The following KAZN variants were observed in gnomAD, a reference collection of about 807,000 sequenced individuals.
The protein encoded by KAZN is kazrin.
A neutral mutation model predicts 87.4 loss-of-function variants in KAZN; 40 were observed. That is an observed-to-expected ratio of 0.46 (90% confidence interval 0.36 to 0.60). The LOEUF (loss-of-function observed/expected upper bound fraction) is 0.60. Ranked by LOEUF, KAZN falls within the 20% of genes least tolerant of loss-of-function variation. KAZN has a pLI of 0.00. For synonymous variants in KAZN, 466 were observed against 458.3 expected (o/e 1.02, Z -0.22); for missense variants, 898 against 1,073.9 (o/e 0.84, Z 2.29).
intron 1 of KAZN, among the ~76,000 whole-genome samples, chr1:14,920,575 C>T (rs1031462127): frequency 1.1e-4 from 16 of 152,150 alleles, no homozygotes; most frequent in Non-Finnish European, 4.4e-5. Flanking sequence ...TGTATCCAGC[C>T]TCAATTCCCA....
At chr1:14,708,733 G>C (rs558123855) in intron 1 of KAZN, among the ~76,000 whole-genome samples, 1 of 152,304 alleles carries the variant, frequency 6.6e-6, no homozygotes, top group South Asian at 2.1e-4. Context: ...TCACCCTTTG[G>C]CATCTCTTTT....
chr1:13,990,715 A>G (rs1177758875), intron 1 of KAZN, among the ~76,000 whole-genome samples: 3 of 152,226 alleles, frequency 2.0e-5, no homozygotes, highest in African/African-American at 7.2e-5. Flanking sequence ...GAACTTAATC[A>G]TAAGTACACT....
chr1:14,666,145 C>A (rs1321069308), intron 1 of KAZN, among the ~76,000 whole-genome samples: 1 of 152,034 alleles, frequency 6.6e-6, no homozygotes, highest in Non-Finnish European at 1.5e-5. Flanking sequence ...CCTACCCCAA[C>A]TTCTGGCCCC....
rs140456851 is a variant in KAZN at position 14,602,467 on chromosome 1, G to A, written c.226+3244G>A. On this transcript the variant is annotated intron_variant, in intron 1 of 14. Transcript: ENST00000376030. ...GGGGTCACGGCAGCCTTTGACAGGT[G>A]GACAGAAGGAGGCTTGGAAAGAACA... Among the ~76,000 whole-genome samples, 4 of 152,292 alleles carry A rather than the reference G, an allele frequency of 2.6e-5. No homozygotes were observed. In the East Asian group the frequency reaches 7.7e-4, roughly 29 times the overall value.
intron 1 of KAZN, among the ~76,000 whole-genome samples, chr1:14,151,201 A>T (rs993647761): frequency 6.6e-6 from 1 of 152,038 alleles, no homozygotes; most frequent in South Asian, 2.1e-4. Context: ...AGATTGTAGA[A>T]AAAAAAGACA....
rs532213549 is a variant in KAZN at position 14,882,383 on chromosome 1, A to C, written c.227-78301A>C. On this transcript the variant is annotated intron_variant, in intron 1 of 14. Coordinates refer to ENST00000376030, the MANE Select transcript of KAZN (RefSeq NM_201628.3). ...AAGCTTCAGCCCTAAAGACTCTTCCATGTGTTAGCTTCTCACCTGGGGCAA... is the reference window on the plus strand; with the variant it reads ...AAGCTTCAGCCCTAAAGACTCTTCCCTGTGTTAGCTTCTCACCTGGGGCAA... Among the ~76,000 whole-genome samples the C allele has an allele frequency of 4.6e-5, 7 of 152,300 alleles. No individual in the cohort carries two copies. The South Asian group carries it at 1.5e-3, about 32-fold the overall frequency.
intron 8 of KAZN, among the ~76,000 whole-genome samples, chr1:15,093,526 C>T (rs961271953): frequency 6.6e-6 from 1 of 152,054 alleles, no homozygotes; most frequent in African/African-American, 2.4e-5. Flanking sequence ...AATAATCATT[C>T]GTGCCTTTGT....
chr1:14,370,619 G>A (rs1660401121), intron 2 of KAZN, among the ~76,000 whole-genome samples: 1 of 151,278 alleles, frequency 6.6e-6, no homozygotes, highest in Admixed American at 6.7e-5. Flanking sequence ...CCTACCTATT[G>A]GGCTGAAAAA....
At chr1:14,006,047 G>A (rs1027724993) in intron 1 of KAZN, among the ~76,000 whole-genome samples, 2 of 152,086 alleles carry the variant, frequency 1.3e-5, no homozygotes, top group Non-Finnish European at 2.9e-5. Flanking sequence ...ATATATTTTG[G>A]ATATTAATCT....
intron 1 of KAZN, among the ~76,000 whole-genome samples, chr1:14,914,670 G>T (rs1036417266): frequency 6.6e-6 from 1 of 152,116 alleles, no homozygotes; most frequent in Non-Finnish European, 1.5e-5. Flanking sequence ...GGGTGGCAGG[G>T]GCTCCATCCC....
At chr1:14,257,959 T>TAAAAAAAAAAAAAAAAAAAAA (rs1168366132) in intron 2 of KAZN, among the ~76,000 whole-genome samples, 1 of 28,744 alleles carries the variant, frequency 3.5e-5, no homozygotes, top group Non-Finnish European at 8.5e-5. Flanking sequence ...AAAAAAACAT[T>TAAAAAAAAAAAAAAAAAAAAA]AAAAAAAAAA....
At chr1:14,909,917 G>C (rs1468261333) in intron 1 of KAZN, among the ~76,000 whole-genome samples, 1 of 152,160 alleles carries the variant, frequency 6.6e-6, no homozygotes, top group Non-Finnish European at 1.5e-5. Context: ...GCCAGGCACG[G>C]TGGCGTGTGC....
At chr1:13,947,155 T>A (rs1219615979) in intron 1 of KAZN, among the ~76,000 whole-genome samples, 1 of 152,118 alleles carries the variant, frequency 6.6e-6, no homozygotes, top group African/African-American at 2.4e-5. Flanking sequence ...TGACACACAG[T>A]TCCTCAGGGC....
intron 1 of KAZN, among the ~76,000 whole-genome samples, chr1:14,930,482 A>T (rs1192290811): frequency 1.3e-5 from 2 of 152,170 alleles, no homozygotes; most frequent in Admixed American, 1.3e-4. Flanking sequence ...GCTGGGAAGA[A>T]TGTGGATTTT....
At chr1:14,244,122 CAA>C (rs1649270158) in intron 2 of KAZN, among the ~76,000 whole-genome samples, 1 of 150,580 alleles carries the variant, frequency 6.6e-6, no homozygotes, top group Non-Finnish European at 1.5e-5. Context: ...AACAAACAAA[CAA>C]ACAAAAAACT....
At position 14,598,797 on chromosome 1, in the gene KAZN, ACCG is replaced by A; in HGVS notation, c.-196_-194del. The A allele has an allele frequency of 8.0e-7, 1 of 1,243,638 alleles. No individual in the cohort carries two copies. Among genetic ancestry groups the A allele is most frequent in the Non-Finnish European group, 1.0e-6 (1 of 988,388 alleles). 77.0% of individuals were successfully genotyped at this position (1,243,638 alleles called of 1,614,324 possible). A position where few individuals can be genotyped will look rare whatever the true frequency, so the allele number is the denominator to read the frequency against. On this transcript the variant is annotated 5_prime_UTR_variant, in exon 1 of 15. Transcript: ENST00000376030. The surrounding 1 kb of genome is among the most constrained non-coding windows in gnomAD (Gnocchi z 4.2). ...CGCCTCCTCCCCCCGCCGCCTCGCC[ACCG>A]CCGCGGCTAGGGCTGGAGGCGCCGC...
chr1:14,143,627 T>C (rs1645286752), intron 1 of KAZN, among the ~76,000 whole-genome samples: 1 of 152,150 alleles, frequency 6.6e-6, no homozygotes, highest in South Asian at 2.1e-4. Flanking sequence ...AACAATTGAG[T>C]CACAATTATA....
At chr1:14,313,041 C>T (rs760554638) in intron 2 of KAZN, among the ~76,000 whole-genome samples, 3 of 152,096 alleles carry the variant, frequency 2.0e-5, no homozygotes, top group Admixed American at 6.5e-5. Flanking sequence ...TTGTTTGCAG[C>T]ATTAGATAAC....
intron 4 of KAZN, among the ~76,000 whole-genome samples, chr1:15,053,055 G>A (rs2100456450): frequency 6.6e-6 from 1 of 152,352 alleles, no homozygotes; most frequent in African/African-American, 2.4e-5. Flanking sequence ...GGGAGTGTTT[G>A]CAGGAGGGGG....
Sources: allele counts gnomAD v4.1 joint callset (sites outside exome capture counted in the v4.1 genomes callset), GRCh38; gene constraint gnomAD v4.1.1; non-coding constraint Gnocchi (gnomAD v3.1); transcripts MANE v1.5; gene names NCBI Gene and HGNC (gene_info 2026-07-23, HGNC 2026-07-21).